The following KAT2B variants were observed in gnomAD, a reference collection of about 807,000 sequenced individuals.
KAT2B encodes the protein histone acetyltransferase KAT2B.
In KAT2B, 36 loss-of-function variants were observed where a neutral mutation model predicts 105.9. The ratio of observed to expected loss-of-function variants is 0.34; its 90% CI spans 0.26 to 0.45. The LOEUF is 0.45. Among genes scored for constraint, KAT2B ranks in the 20% least tolerant of loss-of-function variants. The pLI is 1.00. For synonymous variants in KAT2B, 397 were observed against 377.9 expected (o/e 1.05, Z -0.59); for missense variants, 820 against 1,021.6 (o/e 0.80, Z 2.69).
chr3:20,129,041 A>G (rs1699462246), intron 11 of KAT2B, among the ~76,000 whole-genome samples: 1 of 149,756 alleles, frequency 6.7e-6, no homozygotes, highest in Admixed American at 6.7e-5. Context: ...AATGTTATTC[A>G]TTTAGGATTT....
intron 8 of KAT2B, among the ~76,000 whole-genome samples, chr3:20,121,177 C>T (rs903739637): frequency 3.3e-5 from 5 of 152,072 alleles, no homozygotes; most frequent in Non-Finnish European, 4.4e-5. Flanking sequence ...AAAAAGAACT[C>T]GACAAAAGTG....
At chr3:20,062,305 TATA>T (rs1179878839) in intron 1 of KAT2B, among the ~76,000 whole-genome samples, 6,463 of 75,412 alleles carry the variant, frequency 0.086, 566 homozygotes, top group Non-Finnish European at 0.11. Flanking sequence ...ATATATAAAA[TATA>T]ATATATATAA....
chr3:20,104,805 G>A (rs569095251), intron 5 of KAT2B, among the ~76,000 whole-genome samples: 1 of 152,014 alleles, frequency 6.6e-6, no homozygotes, highest in East Asian at 1.9e-4. Flanking sequence ...AAAATTAAAA[G>A]CAGACTGAAC....
intron 1 of KAT2B, among the ~76,000 whole-genome samples, chr3:20,050,789 T>C (rs1299439783): frequency 6.6e-6 from 1 of 151,730 alleles, no homozygotes; most frequent in Non-Finnish European, 1.5e-5. Flanking sequence ...CTGCAGGATC[T>C]GCCTCCTGGG....
intron 11 of KAT2B, among the ~76,000 whole-genome samples, chr3:20,130,773 G>T (rs888850400): frequency 6.6e-6 from 1 of 152,142 alleles, no homozygotes; most frequent in African/African-American, 2.4e-5. Flanking sequence ...ATCACTTCTT[G>T]TAAGTGACTT....
At chr3:20,041,374 C>T (rs903911339) in intron 1 of KAT2B, among the ~76,000 whole-genome samples, 1 of 152,122 alleles carries the variant, frequency 6.6e-6, no homozygotes, top group East Asian at 1.9e-4. Flanking sequence ...GGCACTGCCG[C>T]GCGCGGTGAC....
At chr3:20,087,657 C>T (rs777627247) in intron 2 of KAT2B, among the ~76,000 whole-genome samples, 11 of 152,158 alleles carry the variant, frequency 7.2e-5, no homozygotes, top group Non-Finnish European at 5.9e-5. Context: ...CATCTCTACC[C>T]GTACCTCACG....
At chr3:20,121,701 A>G (rs1699310090) in intron 8 of KAT2B, among the ~76,000 whole-genome samples, 1 of 151,822 alleles carries the variant, frequency 6.6e-6, no homozygotes, top group African/African-American at 2.4e-5. Context: ...CTATATATAC[A>G]TAATATATAT....
intron 1 of KAT2B, among the ~76,000 whole-genome samples, chr3:20,062,075 TATA>T (rs1192688971): frequency 1.8e-4 from 18 of 100,026 alleles, no homozygotes; most frequent in Non-Finnish European, 3.2e-4. Context: ...ATATAAAACA[TATA>T]ATATATATTA....
intron 4 of KAT2B, chr3:20,100,965 C>T (rs1272224826): frequency 3.2e-6 from 1 of 315,540 alleles, no homozygotes; most frequent in Non-Finnish European, 5.9e-6. Context: ...AATTATTCTG[C>T]ACAACAGTCA....
chr3:20,126,098 G>A lies in KAT2B; in HGVS notation c.1607G>A (p.Arg536Gln), dbSNP rs773908616. The change falls in exon 10 of 18, where the codon CGG becomes CAG. Residue 536 changes from arginine to glutamine, a missense_variant. By Grantham distance (43) the Arg-to-Gln change is conservative. Coordinates refer to ENST00000263754, the MANE Select transcript of KAT2B (RefSeq NM_003884.5). ...LPRMPKEYITRLVFDPKHKTL... is the reference protein window; with the variant it reads ...LPRMPKEYITQLVFDPKHKTL... ...CGAATGCCAAAAGAATACATCACAC[G>A]GCTCGTCTTTGACCCGTAAGTGGTA... 20 of 1,603,898 alleles carry A rather than the reference G, an allele frequency of 1.2e-5. No homozygotes were observed. The highest frequency in any genetic ancestry group is 1.7e-5 in the Admixed American group (1 of 57,560).
intron 2 of KAT2B, among the ~76,000 whole-genome samples, chr3:20,084,399 C>G (rs1698577456): frequency 6.6e-6 from 1 of 152,122 alleles, no homozygotes; most frequent in Non-Finnish European, 1.5e-5. Context: ...AGAGTAAGAG[C>G]TATCCTCTTC....
intron 5 of KAT2B, 68 bp downstream of exon 5, chr3:20,101,536 CTCTATAAGT>C (rs749111259): frequency 1.6e-6 from 2 of 1,269,652 alleles, no homozygotes; most frequent in Non-Finnish European, 2.3e-6. Flanking sequence ...TTGTACTTGA[CTCTATAAGT>C]ATAGGGCTGC....
chr3:20,150,431 C>G (rs1699852670), intron 17 of KAT2B, among the ~76,000 whole-genome samples: 1 of 152,116 alleles, frequency 6.6e-6, no homozygotes, highest in Non-Finnish European at 1.5e-5. Flanking sequence ...ACCTGTTTTA[C>G]TTAGGGAGTC....
chr3:20,085,533 G>GGC (rs1698598070), intron 2 of KAT2B, among the ~76,000 whole-genome samples: 1 of 149,458 alleles, frequency 6.7e-6, no homozygotes, highest in Non-Finnish European at 1.5e-5. Flanking sequence ...TTTTGCAGGG[G>GGC]GCAGAGTCTT....
chr3:20,070,079 A>G (rs1027017727), intron 1 of KAT2B, among the ~76,000 whole-genome samples: 1 of 152,044 alleles, frequency 6.6e-6, no homozygotes, highest in Non-Finnish European at 1.5e-5. Context: ...TAGACAAAAG[A>G]CGGTCACTTG....
At chr3:20,107,128 G>A (rs13076325) in intron 5 of KAT2B, among the ~76,000 whole-genome samples, 89,698 of 139,720 alleles carry the variant, frequency 0.64, 29,116 homozygotes, top group African/African-American at 0.77. Context: ...CACCTCCTGG[G>A]TTCAAGCCAT....
At chr3:20,070,126 A>T (rs992058489) in intron 1 of KAT2B, among the ~76,000 whole-genome samples, 4 of 152,064 alleles carry the variant, frequency 2.6e-5, no homozygotes, top group African/African-American at 9.7e-5. Flanking sequence ...GGGGATGCTG[A>T]TGTAGGTGCT....
intron 11 of KAT2B, among the ~76,000 whole-genome samples, chr3:20,129,375 C>CTTTTTTTTTTTTTTTTTTTT (rs537697916): frequency 7.3e-6 from 1 of 136,254 alleles, no homozygotes; most frequent in African/African-American, 2.7e-5. Context: ...TCTGTACTGT[C>CTTTTTTTTTTTTTTTTTTTT]TTTTTTTTTT....
Sources: allele counts gnomAD v4.1 joint callset (sites outside exome capture counted in the v4.1 genomes callset), GRCh38; gene constraint gnomAD v4.1.1; transcripts MANE v1.5; gene names NCBI Gene and HGNC (gene_info 2026-07-23, HGNC 2026-07-21).